CSMD3: variants seen among roughly 807,000 people sequenced by gnomAD.
CSMD3 encodes CUB and Sushi multiple domains 3.
CSMD3 carries 177 observed loss-of-function variants against 435.2 expected under a neutral mutation model. The observed-to-expected ratio is 0.41, with a 90% confidence interval of 0.36 to 0.46. CSMD3 has a LOEUF of 0.46. CSMD3 is among the 20% of genes least tolerant of loss of function. The pLI is 0.34. For synonymous variants in CSMD3, 1,656 were observed against 1,520.5 expected (o/e 1.09, Z -2.07); for missense variants, 4,265 against 4,504.6 (o/e 0.95, Z 1.52).
intron 11 of CSMD3, among the ~76,000 whole-genome samples, chr8:112,851,170 C>T (rs1283620545): frequency 2.6e-5 from 4 of 152,038 alleles, no homozygotes; most frequent in African/African-American, 9.7e-5. Flanking sequence ...AAAGTTACTT[C>T]CAGCATACCA....
chr8:112,397,212 T>C (rs1467882595), intron 35 of CSMD3, among the ~76,000 whole-genome samples: 1 of 152,214 alleles, frequency 6.6e-6, no homozygotes, highest in Non-Finnish European at 1.5e-5. Context: ...TAAAGATTAG[T>C]AGTTGCACCA....
At chr8:112,638,992 A>G (rs903342616) in intron 20 of CSMD3, 81 bp from the exon 21 acceptor site, 139 of 916,492 alleles carry the variant, frequency 1.5e-4, no homozygotes, top group Middle Eastern at 8.8e-4. Context: ...ACTATTAGCC[A>G]GGACTTTACT....
At chr8:112,793,655 A>G (rs1343841714) in intron 13 of CSMD3, among the ~76,000 whole-genome samples, 1 of 152,196 alleles carries the variant, frequency 6.6e-6, no homozygotes, top group East Asian at 1.9e-4. Context: ...TGGACAGAAA[A>G]AGGAAAGTGA....
intron 10 of CSMD3, among the ~76,000 whole-genome samples, chr8:112,866,470 G>A (rs570231865): frequency 6.6e-6 from 1 of 152,234 alleles, no homozygotes; most frequent in East Asian, 1.9e-4. Flanking sequence ...TACTATATCA[G>A]AGTAATGTTA....
At chr8:113,104,236 G>C (rs1004871745) in intron 4 of CSMD3, among the ~76,000 whole-genome samples, 4 of 152,084 alleles carry the variant, frequency 2.6e-5, no homozygotes, top group Non-Finnish European at 5.9e-5. Flanking sequence ...GTCGATTCCA[G>C]ATGCTAAGCA....
At chr8:112,680,359 AAAACAAAC>A (rs572501629) in intron 16 of CSMD3, among the ~76,000 whole-genome samples, 5 of 152,248 alleles carry the variant, frequency 3.3e-5, no homozygotes, top group South Asian at 2.1e-4. Flanking sequence ...ACTCCATCTC[AAAACAAAC>A]AAACAAACAA....
chr8:112,480,433 C>A (rs910902651), intron 31 of CSMD3, among the ~76,000 whole-genome samples: 12 of 152,010 alleles, frequency 7.9e-5, no homozygotes, highest in Admixed American at 7.9e-4. Context: ...GGGCCAGGGG[C>A]AGAATGATAG....
intron 4 of CSMD3, among the ~76,000 whole-genome samples, chr8:113,126,328 T>C (rs1269161783): frequency 6.6e-6 from 1 of 151,930 alleles, no homozygotes; most frequent in Non-Finnish European, 1.5e-5. Flanking sequence ...CCTGTGGCCT[T>C]TTAATGTCCA....
chr8:113,233,758 T>C (rs2093116797), intron 3 of CSMD3, among the ~76,000 whole-genome samples: 1 of 152,036 alleles, frequency 6.6e-6, no homozygotes, highest in Non-Finnish European at 1.5e-5. Context: ...ATGCATTGTC[T>C]AATAGCAGAC....
chr8:113,383,890 T>C (rs1269999701), intron 1 of CSMD3, among the ~76,000 whole-genome samples: 2 of 152,166 alleles, frequency 1.3e-5, no homozygotes, highest in Admixed American at 1.3e-4. Flanking sequence ...CCACACCTTC[T>C]CACTTGGTCC....
chr8:113,009,541 T>TTGAA (rs1554749609), intron 6 of CSMD3, among the ~76,000 whole-genome samples: 2 of 151,758 alleles, frequency 1.3e-5, no homozygotes, highest in Non-Finnish European at 2.9e-5. Context: ...CCTTGTCACG[T>TTGAA]TGAAAAACTA....
In CSMD3 at chr8:112,764,070, G is replaced by C. The variant is rs756067224; in HGVS notation, c.1972+36092C>G. On this transcript the variant is annotated intron_variant, in intron 13 of 70. Coordinates refer to ENST00000297405, the MANE Select transcript of CSMD3 (RefSeq NM_198123.2). The stretch of plus-strand genomic sequence containing the variant: ...ACTTTTTCTACATGGTTTTTAAAAC[G>C]AACCACTTCCAACAGGATTAATACA... 2.8e-4 allele frequency among the ~76,000 whole-genome samples: 43 copies of C among 151,386 alleles called. 2 individuals are homozygous for C. The highest frequency in any genetic ancestry group is 2.6e-3 in the Admixed American group (40 of 15,160).
At chr8:112,617,798 G>T (rs574359396) in intron 22 of CSMD3, among the ~76,000 whole-genome samples, 2 of 152,144 alleles carry the variant, frequency 1.3e-5, no homozygotes, top group African/African-American at 4.8e-5. Context: ...AATACATAAT[G>T]CACAGAACAG....
chr8:112,596,252 A>T (rs976701697), intron 22 of CSMD3, among the ~76,000 whole-genome samples: 1 of 152,084 alleles, frequency 6.6e-6, no homozygotes, highest in Non-Finnish European at 1.5e-5. Flanking sequence ...ACCAACAAAG[A>T]TCAAAAGAGA....
chr8:113,258,235 T>C (rs2093399614), intron 3 of CSMD3, among the ~76,000 whole-genome samples: 2 of 152,208 alleles, frequency 1.3e-5, no homozygotes, highest in Admixed American at 6.5e-5. Flanking sequence ...TTGGAATACA[T>C]TAATAGATAG....
intron 59 of CSMD3, among the ~76,000 whole-genome samples, chr8:112,272,797 C>T (rs1817652435): frequency 6.6e-6 from 1 of 152,154 alleles, no homozygotes; most frequent in South Asian, 2.1e-4. Flanking sequence ...TATCACTATG[C>T]TAGATTCTTT....
intron 24 of CSMD3, among the ~76,000 whole-genome samples, chr8:112,564,453 C>A (rs1268076926): frequency 6.7e-6 from 1 of 150,178 alleles, no homozygotes; most frequent in Admixed American, 6.7e-5. Context: ...GTCGGGAAAA[C>A]AGAAGCCTCT....
At chr8:112,600,472 T>C (rs1193926398) in intron 22 of CSMD3, among the ~76,000 whole-genome samples, 1 of 152,154 alleles carries the variant, frequency 6.6e-6, no homozygotes, top group South Asian at 2.1e-4. Flanking sequence ...TTATAATAAA[T>C]ATGGCTATGT....
At chr8:113,424,632 T>A (rs983587315) in intron 1 of CSMD3, among the ~76,000 whole-genome samples, 3 of 151,446 alleles carry the variant, frequency 2.0e-5, no homozygotes, top group Non-Finnish European at 3.0e-5. Flanking sequence ...CACAAATGAT[T>A]ATATTATTGT....
Sources: gnomAD v4.1 joint callset for allele counts (sites outside exome capture counted in the v4.1 genomes callset) on GRCh38, gnomAD v4.1.1 for gene constraint, MANE v1.5 for transcripts, NCBI Gene and HGNC (gene_info 2026-07-23, HGNC 2026-07-21) for gene names.